Variants in HIVEP3 observed in about 807,000 individuals in gnomAD.
HIVEP3 encodes HIVEP zinc finger 3.
Under a neutral mutation model 152.8 loss-of-function variants are expected in HIVEP3, and 49 were observed. That is an observed-to-expected ratio of 0.32 (90% CI 0.26 to 0.41). The LOEUF is 0.41. Among genes scored for constraint, HIVEP3 ranks in the 10% least tolerant of loss-of-function variants. The pLI is 1.00. For synonymous variants in HIVEP3, 1,269 were observed against 1,289.0 expected, an observed-to-expected ratio of 0.98 and a Z score of 0.33; for missense variants, 2,790 against 3,103.3, an observed-to-expected ratio of 0.90 and a Z score of 2.40.
intron 1 of HIVEP3, among the ~76,000 whole-genome samples, chr1:41,762,200 C>A (rs1463037297): frequency 6.6e-6 from 1 of 152,214 alleles, no homozygotes; most frequent in Non-Finnish European, 1.5e-5. Flanking sequence ...CACCCAACTT[C>A]AGATGGGGGA....
chr1:41,726,340 T>C (rs1204178535), intron 1 of HIVEP3, among the ~76,000 whole-genome samples: 1 of 152,116 alleles, frequency 6.6e-6, no homozygotes, highest in Non-Finnish European at 1.5e-5. Context: ...CTCTAAGTTG[T>C]AACAGGGAAA....
chr1:41,812,683 TG>T (rs952215041), intron 1 of HIVEP3, among the ~76,000 whole-genome samples: 8 of 138,802 alleles, frequency 5.8e-5, no homozygotes, highest in South Asian at 2.6e-4. Context: ...TGGTAGGGGG[TG>T]GGGGGGGACC....
chr1:41,734,344 C>A (rs1432959939), intron 1 of HIVEP3, among the ~76,000 whole-genome samples: 2 of 152,226 alleles, frequency 1.3e-5, no homozygotes, highest in African/African-American at 4.8e-5. Flanking sequence ...AACTAAAGAA[C>A]CAGCTGGCAC....
chr1:41,681,819 C>T (rs1246254306), intron 2 of HIVEP3, among the ~76,000 whole-genome samples: 1 of 152,214 alleles, frequency 6.6e-6, no homozygotes, highest in African/African-American at 2.4e-5. Context: ...GTCCCCTCCT[C>T]CTGATATGGA....
At chr1:41,540,917 G>A (rs547298539) in intron 5 of HIVEP3, among the ~76,000 whole-genome samples, 1 of 143,396 alleles carries the variant, frequency 7.0e-6, no homozygotes, top group African/African-American at 2.4e-5. Flanking sequence ...AGGTCCAGCG[G>A]GTTTAGCTGG....
intron 1 of HIVEP3, among the ~76,000 whole-genome samples, chr1:41,966,475 C>CTTTTTCTTTTTTTTTTTT (rs1645198202): frequency 1.0e-5 from 1 of 95,810 alleles, no homozygotes; most frequent in Non-Finnish European, 1.9e-5. Flanking sequence ...GTGCTGTATT[C>CTTTTTCTTTTTTTTTTTT]TTTTTTTTTT....
rs554742792 is a variant in HIVEP3, at chr1:41,559,194, A to G, written c.5207+16350T>C. ...GCCTCAGCAGACTCCACTTGTCCAG[A>G]AGTCTGCCTGGCTGGCTCCCAATGC... On this transcript the variant is annotated intron_variant, in intron 5 of 8. Coordinates refer to ENST00000372583, the MANE Select transcript of HIVEP3 (RefSeq NM_024503.5). Among the ~76,000 whole-genome samples, 4 of 152,126 alleles carry G rather than the reference A, an allele frequency of 2.6e-5. No homozygotes were observed. The East Asian group carries it at 5.8e-4, about 22-fold the overall frequency.
chr1:41,783,961 A>G (rs1386894971), intron 1 of HIVEP3, among the ~76,000 whole-genome samples: 1 of 152,240 alleles, frequency 6.6e-6, no homozygotes, highest in Non-Finnish European at 1.5e-5. Context: ...TTAGAATCAG[A>G]CTTCTTGGGT....
At chr1:41,640,632 G>T (rs1292782770) in intron 2 of HIVEP3, among the ~76,000 whole-genome samples, 1 of 152,196 alleles carries the variant, frequency 6.6e-6, no homozygotes, top group African/African-American at 2.4e-5. Context: ...CTCCCAGGGA[G>T]CCCAAAACCT....
chr1:41,863,658 G>C (rs182571056), intron 1 of HIVEP3, among the ~76,000 whole-genome samples: 11 of 152,356 alleles, frequency 7.2e-5, no homozygotes, highest in Admixed American at 6.5e-4. Flanking sequence ...ACATGTGCAT[G>C]AGTTCGTCAA....
intron 2 of HIVEP3, among the ~76,000 whole-genome samples, chr1:41,638,149 C>A (rs749039609): frequency 1.3e-5 from 2 of 151,650 alleles, no homozygotes; most frequent in Non-Finnish European, 2.9e-5. Flanking sequence ...CACACTTCAC[C>A]GCTATGTAAT....
intron 1 of HIVEP3, among the ~76,000 whole-genome samples, chr1:41,787,994 T>C (rs1436681948): frequency 6.6e-6 from 1 of 152,122 alleles, no homozygotes; most frequent in East Asian, 1.9e-4. Flanking sequence ...CCAAGGGAAC[T>C]CCTCAAAGGG....
chr1:41,603,400 C>T (rs775959811), intron 3 of HIVEP3, among the ~76,000 whole-genome samples: 4 of 149,642 alleles, frequency 2.7e-5, no homozygotes, highest in Non-Finnish European at 5.9e-5. Flanking sequence ...CTCACTGTCA[C>T]CCAGGCTGGA....
intron 1 of HIVEP3, among the ~76,000 whole-genome samples, chr1:41,739,985 A>G (rs1237228341): frequency 6.6e-6 from 1 of 152,220 alleles, no homozygotes; most frequent in Non-Finnish European, 1.5e-5. Context: ...CAACCACGGC[A>G]TAACCAGGAA....
At chr1:41,752,156 G>A (rs992149946) in intron 1 of HIVEP3, among the ~76,000 whole-genome samples, 1 of 152,180 alleles carries the variant, frequency 6.6e-6, no homozygotes, top group Non-Finnish European at 1.5e-5. Flanking sequence ...AAATCTTCTT[G>A]ATGACATCAG....
At chr1:42,035,878 G>T (rs560072770) in exon 1 of HIVEP3, 1 of 149,558 alleles carries the variant, frequency 6.7e-6, no homozygotes, top group Non-Finnish European at 1.5e-5. Flanking sequence ...GGCAGCGCTG[G>T]CAGCCACCCG....
chr1:42,001,754 A>C (rs889008970), intron 1 of HIVEP3, among the ~76,000 whole-genome samples: 1 of 152,206 alleles, frequency 6.6e-6, no homozygotes, highest in Non-Finnish European at 1.5e-5. Flanking sequence ...CTGTACAGAC[A>C]TACTGCTTGG....
rs551244690 is a variant in HIVEP3, at chr1:41,689,962, C to T, written c.-721+10954G>A. On this transcript the variant is annotated intron_variant, in intron 2 of 8. Coordinates refer to ENST00000372583, the MANE Select transcript of HIVEP3 (RefSeq NM_024503.5). ...GACAGCTCAGCCTTCCACGGTCCTC[C>T]GGGGCCTTGGCAGCCTTCAACAACT... Among the ~76,000 whole-genome samples the T allele has an allele frequency of 4.6e-5, 7 of 152,368 alleles. No individual in the cohort carries two copies. The South Asian group carries it at 8.3e-4, about 18-fold the overall frequency.
At chr1:41,950,326 AAAAC>A (rs1044387661) in intron 1 of HIVEP3, among the ~76,000 whole-genome samples, 1 of 151,850 alleles carries the variant, frequency 6.6e-6, no homozygotes, top group African/African-American at 2.4e-5. Flanking sequence ...AAAACAAAAC[AAAAC>A]AAACAAAAAA....
Sources: gnomAD v4.1 joint callset for allele counts (sites outside exome capture counted in the v4.1 genomes callset) on GRCh38, gnomAD v4.1.1 for gene constraint, MANE v1.5 for transcripts, NCBI Gene and HGNC (gene_info 2026-07-23, HGNC 2026-07-21) for gene names.